SYN2: variants seen among roughly 807,000 people sequenced by gnomAD.
The protein encoded by SYN2 is synapsin II.
A neutral mutation model predicts 50.9 loss-of-function variants in SYN2; 19 were observed. That is an observed-to-expected ratio of 0.37 (90% confidence interval 0.26 to 0.55). The LOEUF (loss-of-function observed/expected upper bound fraction) is 0.55. Ranked by LOEUF, SYN2 falls within the 20% of genes least tolerant of loss-of-function variation. The pLI is 0.81. For synonymous variants in SYN2, 255 were observed against 224.9 expected, an observed-to-expected ratio of 1.13 and a Z score of -1.20; for missense variants, 587 against 576.4, an observed-to-expected ratio of 1.02 and a Z score of -0.19.
intron 5 of SYN2, chr3:12,158,757 C>G: frequency 1.2e-6 from 2 of 1,607,634 alleles, no homozygotes; most frequent in African/African-American, 1.3e-5. Context: ...AGCTGCATGC[C>G]TCACCCAGCC....
At chr3:12,008,838 G>C (rs923693135) in intron 1 of SYN2, among the ~76,000 whole-genome samples, 1 of 152,196 alleles carries the variant, frequency 6.6e-6, no homozygotes, top group Non-Finnish European at 1.5e-5. Flanking sequence ...AGATAGGTTT[G>C]TCTCAGTCCA....
At chr3:12,170,700 T>G (rs1313301335) in intron 10 of SYN2, among the ~76,000 whole-genome samples, 3 of 152,274 alleles carry the variant, frequency 2.0e-5, no homozygotes, top group African/African-American at 7.2e-5. Context: ...GCTCTTCCTC[T>G]AAATAGCTGT....
chr3:12,142,175 T>C (rs1477134263), intron 3 of SYN2, among the ~76,000 whole-genome samples, 179 bp downstream of exon 3: 2 of 152,218 alleles, frequency 1.3e-5, no homozygotes, highest in Non-Finnish European at 2.9e-5. Context: ...AGCCAGCTTC[T>C]CGCTGAGCTT....
chr3:12,170,455 G>T (rs781067927), intron 10 of SYN2, among the ~76,000 whole-genome samples: 2 of 152,218 alleles, frequency 1.3e-5, no homozygotes, highest in Non-Finnish European at 2.9e-5. Flanking sequence ...TCAGTTGGCT[G>T]TAGTGCATGA....
intron 1 of SYN2, among the ~76,000 whole-genome samples, chr3:12,045,529 G>A (rs1388273219): frequency 6.6e-6 from 1 of 152,138 alleles, no homozygotes; most frequent in Non-Finnish European, 1.5e-5. Flanking sequence ...GTTACTTAGA[G>A]AGACTACCAC....
Position 12,094,855 on chromosome 3 carries a change from G to A in SYN2, c.378-45796G>A, listed in dbSNP as rs535484747. On this transcript the variant is annotated intron_variant, in intron 1 of 12. Transcript: ENST00000621198. ...ATATAATTCACAGAGAATATGGAAT[G>A]CTAGAAGAAAAACAGGTATGGAAGG... Among the ~76,000 whole-genome samples, 3 of 152,300 alleles carry A rather than the reference G, an allele frequency of 2.0e-5. No individual in the cohort carries two copies. In the East Asian group the frequency reaches 5.8e-4, roughly 29 times the overall value.
intron 5 of SYN2, chr3:12,158,698 T>C (rs1243567360): frequency 1.2e-6 from 2 of 1,610,208 alleles, no homozygotes; most frequent in South Asian, 2.2e-5. Flanking sequence ...GACCTCGGAC[T>C]CACCAAGTGC....
chr3:12,040,008 T>C (rs1694578167), intron 1 of SYN2, among the ~76,000 whole-genome samples: 1 of 152,190 alleles, frequency 6.6e-6, no homozygotes, highest in African/African-American at 2.4e-5. Context: ...GAGCCTGGAA[T>C]ACTCATTATT....
Position 12,145,665 on chromosome 3 carries a change from T to C in SYN2, c.528-14T>C. On this transcript the variant is annotated splice_polypyrimidine_tract_variant and intron_variant, in intron 3 of 12. Transcript: ENST00000621198. ...TGCTGGTTAATGGCAAACCTGCCTC[T>C]ACCTTCTCACCAGGTCCTTCCGGCC... The C allele has an allele frequency of 6.2e-7, 1 of 1,612,918 alleles. No homozygotes were observed. The highest frequency in any genetic ancestry group is 8.5e-7 in the Non-Finnish European group (1 of 1,179,040).
At chr3:12,134,696 G>A (rs1318630172) in intron 1 of SYN2, among the ~76,000 whole-genome samples, 1 of 152,178 alleles carries the variant, frequency 6.6e-6, no homozygotes. Flanking sequence ...GACTTATGAG[G>A]TAGAGGAAAC....
chr3:12,161,637 G>A (rs765784598), intron 6 of SYN2, 29 bp downstream of exon 6: 13 of 1,613,604 alleles, frequency 8.1e-6, no homozygotes, highest in Non-Finnish European at 1.1e-5. Flanking sequence ...CTGTGCTTCA[G>A]GGTTGAACCA....
At chr3:12,130,052 G>GACTTTCTAGCCTCCAGAT (rs1397373251) in intron 1 of SYN2, among the ~76,000 whole-genome samples, 2 of 152,076 alleles carry the variant, frequency 1.3e-5, no homozygotes, top group Non-Finnish European at 1.5e-5. Context: ...CCTTGATCTG[G>GACTTTCTAGCCTCCAGAT]ACTTTCTAGC....
intron 7 of SYN2, among the ~76,000 whole-genome samples, chr3:12,162,917 C>T (rs1697688326): frequency 6.6e-6 from 1 of 152,160 alleles, no homozygotes; most frequent in Admixed American, 6.5e-5. Flanking sequence ...GCTTATAATT[C>T]CAATTTTGGA....
chr3:12,087,066 A>G (rs1050664517), intron 1 of SYN2, among the ~76,000 whole-genome samples: 4 of 152,230 alleles, frequency 2.6e-5, no homozygotes, highest in African/African-American at 2.4e-5. Flanking sequence ...TATACTAACA[A>G]TGAACTATCT....
At chr3:12,135,000 G>A (rs1348511094) in intron 1 of SYN2, among the ~76,000 whole-genome samples, 6 of 152,300 alleles carry the variant, frequency 3.9e-5, no homozygotes, top group South Asian at 2.1e-4. Context: ...AAACCACGGC[G>A]TTTCTTTCTA....
chr3:12,100,408 G>T (rs1391005523), intron 1 of SYN2, among the ~76,000 whole-genome samples: 1 of 152,140 alleles, frequency 6.6e-6, no homozygotes, highest in Admixed American at 6.5e-5. Context: ...AACAAAAGGT[G>T]CTGGGGCAAC....
intron 1 of SYN2, among the ~76,000 whole-genome samples, chr3:12,095,739 T>C (rs1695918875): frequency 1.3e-5 from 2 of 150,194 alleles, no homozygotes; most frequent in Admixed American, 1.3e-4. Flanking sequence ...CAGTACCAGA[T>C]CTCTAAGTGT....
intron 10 of SYN2, among the ~76,000 whole-genome samples, chr3:12,172,806 T>C (rs6763467): frequency 0.18 from 27,368 of 152,124 alleles, 5,960 homozygotes; most frequent in African/African-American, 0.52. Flanking sequence ...AAGAGTGTAG[T>C]GGTTACTTCT....
At chr3:12,123,336 A>T (rs1174884030) in intron 1 of SYN2, among the ~76,000 whole-genome samples, 1 of 152,256 alleles carries the variant, frequency 6.6e-6, no homozygotes, top group African/African-American at 2.4e-5. Flanking sequence ...GAGCATCCAA[A>T]GATAAAAGAG....
Sources: allele counts gnomAD v4.1 joint callset (sites outside exome capture counted in the v4.1 genomes callset), GRCh38; gene constraint gnomAD v4.1.1; transcripts MANE v1.5; gene names NCBI Gene and HGNC (gene_info 2026-07-23, HGNC 2026-07-21).